CNTN4: variants seen among roughly 807,000 people sequenced by gnomAD.
The protein encoded by CNTN4 is contactin 4, also known as contactin-4.
CNTN4 carries 77 observed loss-of-function variants against 122.5 expected under a neutral mutation model. The ratio of observed to expected loss-of-function variants is 0.63; its 90% CI spans 0.52 to 0.76. CNTN4 has a LOEUF of 0.76. Ranked by LOEUF, CNTN4 falls within the 30% of genes least tolerant of loss-of-function variation. CNTN4 has a pLI of 0.00. For missense variants in CNTN4, 1,256 were observed against 1,259.1 expected, an observed-to-expected ratio of 1.00 and a Z score of 0.04; for synonymous variants, 512 against 447.0, an observed-to-expected ratio of 1.15 and a Z score of -1.83.
intron 15 of CNTN4, among the ~76,000 whole-genome samples, chr3:3,030,588 C>T (rs1204062458): frequency 6.6e-6 from 1 of 152,194 alleles, no homozygotes; most frequent in Non-Finnish European, 1.5e-5. Flanking sequence ...TAGCATGTAA[C>T]TTACGTCCTT....
chr3:2,595,972 A>C (rs1332266588), intron 4 of CNTN4, among the ~76,000 whole-genome samples: 1 of 152,242 alleles, frequency 6.6e-6, no homozygotes, highest in African/African-American at 2.4e-5. Flanking sequence ...GGATAAAACA[A>C]GTGAAGCTAT....
chr3:2,484,066 G>A (rs994000936), intron 3 of CNTN4, among the ~76,000 whole-genome samples: 19 of 151,986 alleles, frequency 1.3e-4, no homozygotes, highest in Non-Finnish European at 2.6e-4. Context: ...ACCTGATAAA[G>A]GACTGTTAGC....
chr3:2,384,397 A>G (rs945373397), intron 3 of CNTN4, among the ~76,000 whole-genome samples: 1 of 152,158 alleles, frequency 6.6e-6, no homozygotes, highest in East Asian at 1.9e-4. Flanking sequence ...AAAGTCGCCT[A>G]ATTACTCGCA....
intron 6 of CNTN4, among the ~76,000 whole-genome samples, chr3:2,746,980 C>G (rs1279500240): frequency 1.2e-4 from 18 of 151,688 alleles, no homozygotes; most frequent in Admixed American, 1.1e-3. Context: ...TTGGAAATAA[C>G]CATAGGATCA....
At chr3:2,645,365 T>C (rs1186100027) in intron 4 of CNTN4, among the ~76,000 whole-genome samples, 1 of 152,238 alleles carries the variant, frequency 6.6e-6, no homozygotes, top group Non-Finnish European at 1.5e-5. Context: ...CTTAGACGTC[T>C]GCACTTACAA....
intron 2 of CNTN4, among the ~76,000 whole-genome samples, chr3:2,192,045 C>G (rs1204651615): frequency 2.0e-5 from 3 of 151,852 alleles, no homozygotes; most frequent in Admixed American, 1.3e-4. Flanking sequence ...CATCTCCCTA[C>G]AAAGGACATG....
intron 13 of CNTN4, among the ~76,000 whole-genome samples, chr3:2,976,664 T>C (rs376441666): frequency 3.3e-4 from 50 of 152,354 alleles, no homozygotes; most frequent in African/African-American, 1.1e-3. Context: ...GAGGTCTCAA[T>C]TGACTCTTTG....
chr3:2,423,053 G>T (rs2047671916), intron 3 of CNTN4, among the ~76,000 whole-genome samples: 1 of 152,128 alleles, frequency 6.6e-6, no homozygotes, highest in Admixed American at 6.5e-5. Context: ...TTGTTTTAGT[G>T]GAATGAACTT....
intron 4 of CNTN4, among the ~76,000 whole-genome samples, chr3:2,667,987 T>G (rs1268604550): frequency 6.6e-6 from 1 of 152,178 alleles, no homozygotes; most frequent in Non-Finnish European, 1.5e-5. Context: ...CTGTTTTGGT[T>G]ACTGTAGCCT....
In CNTN4 at chr3:2,687,380, G is replaced by T. The variant is rs574957436; in HGVS notation, c.56-48835G>T. On this transcript the variant is annotated intron_variant, in intron 4 of 24. Coordinates refer to ENST00000418658, the MANE Select transcript of CNTN4 (RefSeq NM_175607.3). ...TAATTTGCAATATCTGATAGACAAG[G>T]CCAAGCACTGTGGCTCGTGCCTGCA... Among the ~76,000 whole-genome samples the T allele has an allele frequency of 1.2e-4, 8 of 66,306 alleles. No homozygotes were observed. The South Asian group carries it at 1.3e-3, about 11-fold the overall frequency. The allele number at this position is 66,306 out of a possible 152,430, so 43.5% of individuals were successfully genotyped here.
chr3:2,777,605 G>GAGT (rs1420144804), intron 6 of CNTN4, among the ~76,000 whole-genome samples: 1 of 152,188 alleles, frequency 6.6e-6, no homozygotes, highest in Non-Finnish European at 1.5e-5. Flanking sequence ...GTAGCCAGGA[G>GAGT]AGTAGGCTTT....
intron 4 of CNTN4, among the ~76,000 whole-genome samples, chr3:2,583,045 C>A (rs1370986257): frequency 6.6e-6 from 1 of 152,094 alleles, no homozygotes; most frequent in African/African-American, 2.4e-5. Flanking sequence ...ATCTAAACTC[C>A]CCAGTTTCAA....
chr3:2,120,360 T>TATATATATATAA (rs2033644755), intron 2 of CNTN4, among the ~76,000 whole-genome samples: 1 of 53,382 alleles, frequency 1.9e-5, no homozygotes, highest in African/African-American at 5.6e-5. Flanking sequence ...GTTATATATA[T>TATATATATATAA]ATATATATAT....
chr3:3,025,111 C>T (rs1698618041), intron 14 of CNTN4, among the ~76,000 whole-genome samples: 1 of 152,114 alleles, frequency 6.6e-6, no homozygotes, highest in African/African-American at 2.4e-5. Flanking sequence ...TACTCTCTGA[C>T]ACCATTTATG....
At chr3:2,127,372 A>G (rs889572998) in intron 2 of CNTN4, among the ~76,000 whole-genome samples, 9 of 152,146 alleles carry the variant, frequency 5.9e-5, no homozygotes, top group Non-Finnish European at 1.2e-4. Flanking sequence ...ATTTTTTAAT[A>G]AACTCAATAT....
intron 3 of CNTN4, among the ~76,000 whole-genome samples, chr3:2,373,855 G>C (rs1257144689): frequency 6.6e-6 from 1 of 152,174 alleles, no homozygotes; most frequent in Non-Finnish European, 1.5e-5. Context: ...CCAGTACAAA[G>C]TAGATGCAAT....
chr3:2,968,276 G>A (rs1482614429), intron 13 of CNTN4, among the ~76,000 whole-genome samples: 1 of 152,136 alleles, frequency 6.6e-6, no homozygotes, highest in Non-Finnish European at 1.5e-5. Flanking sequence ...ATCGGAATCT[G>A]TCATTTTCTG....
intron 2 of CNTN4, among the ~76,000 whole-genome samples, chr3:2,220,209 C>T (rs1313159159): frequency 6.6e-6 from 1 of 152,004 alleles, no homozygotes; most frequent in African/African-American, 2.4e-5. Flanking sequence ...TCTGGATTTC[C>T]CCAGATCTTC....
chr3:2,823,890 A>G lies in CNTN4; in HGVS notation c.454+4309A>G, dbSNP rs111658836. 2.1e-3 allele frequency among the ~76,000 whole-genome samples: 314 copies of G among 152,286 alleles called. 1 individual carries two copies. The highest frequency in any genetic ancestry group is 3.0e-3 in the Admixed American group (46 of 15,298). The stretch of plus-strand genomic sequence containing the variant: ...CACCAGCAGCATTGGCCTCACCTGG[A>G]AATTTGATAAAAAGGTAAAATCTCA... On this transcript the variant is annotated intron_variant, in intron 7 of 24. Transcript: ENST00000418658.
Sources: allele counts gnomAD v4.1 joint callset (sites outside exome capture counted in the v4.1 genomes callset), GRCh38; gene constraint gnomAD v4.1.1; transcripts MANE v1.5; gene names NCBI Gene and HGNC (gene_info 2026-07-23, HGNC 2026-07-21).